The following LRP1B variants were observed in gnomAD, a reference collection of about 807,000 sequenced individuals.
LRP1B encodes the protein LDL receptor related protein 1B.
LRP1B carries 217 observed loss-of-function variants against 556.6 expected under a neutral mutation model. The ratio of observed to expected loss-of-function variants is 0.39; its 90% CI spans 0.35 to 0.44. The LOEUF (loss-of-function observed/expected upper bound fraction) is 0.44, where lower values mean the gene tolerates loss of function less well. Ranked by LOEUF, LRP1B falls within the 20% of genes least tolerant of loss-of-function variation. The probability of loss-of-function intolerance (pLI) is 1.00; values close to 1 mark genes in which losing one functional copy is unlikely to be tolerated. For synonymous variants in LRP1B, 2,047 were observed against 1,865.8 expected (o/e 1.10, Z -2.50); for missense variants, 5,053 against 5,620.8 (o/e 0.90, Z 3.23).
chr2:141,502,781 C>T (rs1181340289), intron 2 of LRP1B, among the ~76,000 whole-genome samples: 1 of 151,810 alleles, frequency 6.6e-6, no homozygotes, highest in Admixed American at 6.6e-5. Flanking sequence ...ATTGGTTGAA[C>T]CCGGGAGGCG....
At position 140,958,668 on chromosome 2, in the gene LRP1B, A is replaced by G. The variant is rs1225904254; in HGVS notation, c.2888-6728T>C. On this transcript the variant is annotated intron_variant, in intron 18 of 90. Coordinates refer to ENST00000389484, the MANE Select transcript of LRP1B (RefSeq NM_018557.3). ...AGAATTTAAGGAGACATGACTTTAGATTCAGGAAGCAAAATCTATTTTGAA... is the reference window on the plus strand; with the variant it reads ...AGAATTTAAGGAGACATGACTTTAGGTTCAGGAAGCAAAATCTATTTTGAA... Among the ~76,000 whole-genome samples the G allele has an allele frequency of 2.6e-5, 4 of 151,788 alleles. No homozygotes were observed. In the East Asian group the frequency reaches 7.7e-4, roughly 29 times the overall value.
chr2:141,354,054 T>G (rs2683828), intron 3 of LRP1B, among the ~76,000 whole-genome samples: 80,347 of 151,604 alleles, frequency 0.53, 23,155 homozygotes, highest in Non-Finnish European at 0.66. Flanking sequence ...CACTGAGGCC[T>G]ACTTAAAAGT....
At chr2:140,478,291 A>T (rs1688059946) in intron 59 of LRP1B, among the ~76,000 whole-genome samples, 1 of 151,658 alleles carries the variant, frequency 6.6e-6, no homozygotes, top group Non-Finnish European at 1.5e-5. Flanking sequence ...CTGGGACTAC[A>T]GGGGCCCGCC....
chr2:141,953,274 G>C (rs548862995), intron 1 of LRP1B, among the ~76,000 whole-genome samples: 1 of 152,158 alleles, frequency 6.6e-6, no homozygotes, highest in East Asian at 1.9e-4. Context: ...GTCTTAATAA[G>C]TACCTGTAAA....
At chr2:141,732,010 A>G (rs986372061) in intron 2 of LRP1B, among the ~76,000 whole-genome samples, 4 of 152,050 alleles carry the variant, frequency 2.6e-5, no homozygotes, top group East Asian at 3.9e-4. Flanking sequence ...TCTATTCCCA[A>G]TGTTTTTGGA....
intron 2 of LRP1B, among the ~76,000 whole-genome samples, chr2:141,725,257 G>A (rs1692984426): frequency 6.6e-6 from 1 of 151,880 alleles, no homozygotes; most frequent in Admixed American, 6.6e-5. Flanking sequence ...GAGATTAAAT[G>A]TAATTTTTAA....
chr2:140,855,947 G>A (rs1573808105), intron 27 of LRP1B, among the ~76,000 whole-genome samples: 1 of 152,146 alleles, frequency 6.6e-6, no homozygotes, highest in East Asian at 1.9e-4. Context: ...CTCAAGTATT[G>A]TACAGATTTT....
At chr2:140,416,632 G>A (rs1685215593) in intron 66 of LRP1B, among the ~76,000 whole-genome samples, 1 of 151,456 alleles carries the variant, frequency 6.6e-6, no homozygotes, top group African/African-American at 2.4e-5. Context: ...TCCAGCCTGG[G>A]CAAGACAGCC....
intron 41 of LRP1B, among the ~76,000 whole-genome samples, chr2:140,629,305 C>T (rs985082493): frequency 1.3e-5 from 2 of 151,070 alleles, no homozygotes; most frequent in African/African-American, 2.4e-5. Flanking sequence ...TGGCCTGTAG[C>T]GATCCACCCC....
chr2:141,498,046 G>C (rs1285595192), intron 2 of LRP1B, among the ~76,000 whole-genome samples: 1 of 151,636 alleles, frequency 6.6e-6, no homozygotes, highest in African/African-American at 2.4e-5. Context: ...TGAAATTTTT[G>C]GTTTTATAAC....
At chr2:141,022,680 G>C (rs1038847151) in intron 11 of LRP1B, among the ~76,000 whole-genome samples, 6 of 151,902 alleles carry the variant, frequency 3.9e-5, no homozygotes, top group Non-Finnish European at 7.4e-5. Flanking sequence ...ACACATGAAG[G>C]TTGTGGCATT....
At chr2:142,001,563 G>A (rs1248635298) in intron 1 of LRP1B, among the ~76,000 whole-genome samples, 2 of 152,092 alleles carry the variant, frequency 1.3e-5, no homozygotes, top group South Asian at 2.1e-4. Flanking sequence ...AACCTGCCAC[G>A]CACATTAATG....
intron 1 of LRP1B, among the ~76,000 whole-genome samples, chr2:141,909,655 T>C (rs1356912453): frequency 6.7e-6 from 1 of 148,516 alleles, no homozygotes; most frequent in Non-Finnish European, 1.5e-5. Context: ...ATACTAAAAA[T>C]GACACTGAAC....
intron 7 of LRP1B, among the ~76,000 whole-genome samples, chr2:141,103,206 G>A (rs968164666): frequency 6.6e-6 from 1 of 151,688 alleles, no homozygotes; most frequent in Non-Finnish European, 1.5e-5. Context: ...TCACTTATAT[G>A]ACTGGAAAAT....
chr2:141,338,259 T>A (rs1687921279), intron 3 of LRP1B, among the ~76,000 whole-genome samples: 1 of 152,134 alleles, frequency 6.6e-6, no homozygotes, highest in African/African-American at 2.4e-5. Flanking sequence ...CTGAAGCCAC[T>A]GCCACCATAA....
chr2:140,738,942 A>G (rs955086945), intron 35 of LRP1B, among the ~76,000 whole-genome samples: 1 of 152,210 alleles, frequency 6.6e-6, no homozygotes, highest in African/African-American at 2.4e-5. Context: ...TAGAAAAGAT[A>G]AAGTAAATAG....
intron 41 of LRP1B, among the ~76,000 whole-genome samples, chr2:140,643,145 A>G (rs574846836): frequency 8.5e-5 from 13 of 152,290 alleles, no homozygotes; most frequent in African/African-American, 3.1e-4. Context: ...TATAAAATAA[A>G]TGAAATTGTT....
chr2:142,071,893 C>T (rs1191736403), intron 1 of LRP1B, among the ~76,000 whole-genome samples: 1 of 151,966 alleles, frequency 6.6e-6, no homozygotes, highest in East Asian at 1.9e-4. Flanking sequence ...ATCCAGTATG[C>T]CCAAAATGGA....
chr2:141,614,992 A>G (rs1282836113), intron 2 of LRP1B, among the ~76,000 whole-genome samples: 1 of 152,186 alleles, frequency 6.6e-6, no homozygotes, highest in Non-Finnish European at 1.5e-5. Context: ...GATTTGAGTC[A>G]TTTAATAGGA....
Sources: allele counts gnomAD v4.1 joint callset (sites outside exome capture counted in the v4.1 genomes callset), GRCh38; gene constraint gnomAD v4.1.1; transcripts MANE v1.5; gene names NCBI Gene and HGNC (gene_info 2026-07-23, HGNC 2026-07-21).